Variants in SIK3 observed in about 807,000 individuals in gnomAD.
SIK3 encodes serine/threonine-protein kinase SIK3.
In SIK3, 28 loss-of-function variants were observed where a neutral mutation model predicts 144.2. That is an observed-to-expected ratio of 0.19 (90% CI 0.14 to 0.27). The LOEUF (loss-of-function observed/expected upper bound fraction) is 0.27. Ranked by LOEUF, SIK3 falls within the 10% of genes least tolerant of loss-of-function variation. The pLI is 1.00. For missense variants in SIK3, 1,319 were observed against 1,776.0 expected, an observed-to-expected ratio of 0.74 and a Z score of 4.62; for synonymous variants, 686 against 676.3, an observed-to-expected ratio of 1.01 and a Z score of -0.22.
At position 116,849,059 on chromosome 11, in the gene SIK3, C is replaced by A; in HGVS notation, c.3819+61G>T. ...AGAGAGGCTACCCCACATCACTATA[C>A]TCTGTTTCAAGGCTGGGACTGGGAG... On this transcript the variant is annotated intron_variant, in intron 22 of 24. Coordinates refer to ENST00000445177, the MANE Select transcript of SIK3 (RefSeq NM_001366686.3). This position sits in a 1 kb window ranked among gnomAD's most constrained non-coding sequence, Gnocchi z 4.2. 1.3e-6 allele frequency: 2 copies of A among 1,524,112 alleles called. No individual in the cohort carries two copies. Among genetic ancestry groups the A allele is most frequent in the Non-Finnish European group, 1.8e-6 (2 of 1,130,846 alleles). 94.4% of individuals were successfully genotyped at this position (1,524,112 alleles called of 1,614,324 possible). A position where few individuals can be genotyped will look rare whatever the true frequency, so the allele number is the denominator to read the frequency against.
At chr11:117,021,701 C>T (rs1479944296) in intron 1 of SIK3, among the ~76,000 whole-genome samples, 1 of 151,858 alleles carries the variant, frequency 6.6e-6, no homozygotes, top group Non-Finnish European at 1.5e-5. Context: ...CCATGGTGTG[C>T]ACCTATAGTC....
chr11:116,968,422 G>A (rs1286764056), intron 1 of SIK3, among the ~76,000 whole-genome samples: 4 of 152,206 alleles, frequency 2.6e-5, no homozygotes, highest in Admixed American at 6.5e-5. Context: ...GATGACAGGT[G>A]TGAGCCACCG....
chr11:117,068,683 G>A (rs1191152169), intron 1 of SIK3, among the ~76,000 whole-genome samples: 2 of 152,200 alleles, frequency 1.3e-5, no homozygotes, highest in Non-Finnish European at 1.5e-5. Context: ...GAGCCCAAGC[G>A]GTTGAGGCCA....
At chr11:117,067,958 T>G (rs1193453217) in intron 1 of SIK3, among the ~76,000 whole-genome samples, 2 of 152,104 alleles carry the variant, frequency 1.3e-5, no homozygotes, top group Non-Finnish European at 2.9e-5. Flanking sequence ...CACTCCAGCC[T>G]GGGCAACAGA....
intron 1 of SIK3, among the ~76,000 whole-genome samples, chr11:117,092,929 A>G (rs1399021267): frequency 1.3e-5 from 2 of 152,220 alleles, no homozygotes; most frequent in Non-Finnish European, 1.5e-5. Context: ...AGCTGGCACC[A>G]AAGTCAAAAT....
chr11:117,027,457 T>C (rs985870189), intron 1 of SIK3, among the ~76,000 whole-genome samples: 7 of 151,020 alleles, frequency 4.6e-5, no homozygotes, highest in African/African-American at 1.7e-4. Flanking sequence ...TATCTGTTTG[T>C]TTGTTTGTTT....
At chr11:116,943,585 C>A (rs780500750) in intron 3 of SIK3, among the ~76,000 whole-genome samples, 2 of 152,186 alleles carry the variant, frequency 1.3e-5, no homozygotes, top group Non-Finnish European at 2.9e-5. Flanking sequence ...AAGACACTCA[C>A]CGAAACCTAG....
At chr11:117,078,912 T>C (rs1037936519) in intron 1 of SIK3, among the ~76,000 whole-genome samples, 2 of 151,964 alleles carry the variant, frequency 1.3e-5, no homozygotes, top group African/African-American at 4.8e-5. Flanking sequence ...GTTGCTTTTC[T>C]AGAAATGCCC....
At chr11:117,024,762 G>A (rs1185360749) in intron 1 of SIK3, among the ~76,000 whole-genome samples, 1 of 152,020 alleles carries the variant, frequency 6.6e-6, no homozygotes, top group Non-Finnish European at 1.5e-5. Flanking sequence ...TTACCCAGGC[G>A]TGGTGGCATG....
rs35403684 is a variant in SIK3, at chr11:116,984,050, C to CAAAAAA, written c.274-26992_274-26987dup. ...TGGGTGACAGAGCAAGACCCTGACTCAAAAAAAAAAAAAAAAAAAAAATTA... is the reference window on the plus strand; with the variant it reads ...TGGGTGACAGAGCAAGACCCTGACTCAAAAAAAAAAAAAAAAAAAAAAAAAAAATTA... On this transcript the variant is annotated intron_variant, in intron 1 of 24. Transcript: ENST00000445177. 2.1e-3 allele frequency among the ~76,000 whole-genome samples: 173 copies of CAAAAAA among 80,794 alleles called. 3 individuals are homozygous for CAAAAAA. The South Asian group carries it at 0.031, about 14-fold the overall frequency. The allele number at this position is 80,794 out of a possible 152,430, so 53.0% of individuals were successfully genotyped here.
chr11:116,981,738 C>T (rs1161540701), intron 1 of SIK3, among the ~76,000 whole-genome samples: 1 of 152,156 alleles, frequency 6.6e-6, no homozygotes, highest in African/African-American at 2.4e-5. Flanking sequence ...TTTCGCCAGG[C>T]GTGGTAGCTC....
intron 1 of SIK3, among the ~76,000 whole-genome samples, chr11:116,967,016 A>AAAAAAG (rs1949579015): frequency 1.7e-5 from 2 of 120,746 alleles, no homozygotes; most frequent in Admixed American, 1.5e-4. Context: ...AAAAAAAAAG[A>AAAAAAG]AAAAGAAAAA....
intron 1 of SIK3, among the ~76,000 whole-genome samples, chr11:117,024,497 T>TA (rs1176819882): frequency 6.6e-6 from 1 of 152,164 alleles, no homozygotes; most frequent in Non-Finnish European, 1.5e-5. Flanking sequence ...CCCATAACTC[T>TA]AAACTGATGT....
At chr11:117,040,361 C>T (rs59266239) in intron 1 of SIK3, among the ~76,000 whole-genome samples, 33,720 of 152,084 alleles carry the variant, frequency 0.22, 4,298 homozygotes, top group African/African-American at 0.35. Flanking sequence ...TAGTAAACAA[C>T]AAATGTTAGC....
Position 116,875,896 on chromosome 11 carries a change from G to A in SIK3, c.1209C>T (p.Ala403=). ...TATTGACTGGTGCTTGAAAGGCCAG[G>A]GCTCGGGGCATGCTAGGAAGTGCTC... The part of the protein sequence containing the change: ...RLGALPSMPR[A]LAFQAPVNIQ... The change falls in exon 9 of 25, where the codon GCC becomes GCT. Residue 403 remains alanine (A), a synonymous_variant. Transcript: ENST00000445177. 1 of 1,609,242 alleles carries A rather than the reference G, an allele frequency of 6.2e-7. No homozygotes were observed. The highest frequency in any genetic ancestry group is 8.5e-7 in the Non-Finnish European group (1 of 1,178,804).
At position 116,844,687 on chromosome 11, in the gene SIK3, TATATAC is replaced by T. The variant is rs1289902810; in HGVS notation, c.*950_*955del. 6.4e-5 allele frequency: 8 copies of T among 124,136 alleles called. No homozygotes were observed. The highest frequency in any genetic ancestry group is 1.6e-4 in the Admixed American group (2 of 12,298). The allele number at this position is 124,136 out of a possible 1,614,324, so 7.7% of individuals were successfully genotyped here. A position where few individuals can be genotyped will look rare whatever the true frequency, so the allele number is the denominator to read the frequency against. On this transcript the variant is annotated 3_prime_UTR_variant, in exon 25 of 25. Transcript: ENST00000445177. ...ATATATACACATATATTATATTATATATATACACACATATATAATATATATATGGAG... is the reference window on the plus strand; with the variant it reads ...ATATATACACATATATTATATTATATACACATATATAATATATATATGGAG...
At chr11:116,879,885 A>G (rs1368715973) in intron 6 of SIK3, among the ~76,000 whole-genome samples, 1 of 152,060 alleles carries the variant, frequency 6.6e-6, no homozygotes, top group Middle Eastern at 3.2e-3. Context: ...ATAGATTATA[A>G]ATGTCATTGA....
chr11:116,935,068 G>C (rs1239509639), intron 3 of SIK3, among the ~76,000 whole-genome samples: 1 of 151,654 alleles, frequency 6.6e-6, no homozygotes, highest in Non-Finnish European at 1.5e-5. Flanking sequence ...CTGGGCGACA[G>C]AGTGAGACCC....
At chr11:116,894,296 G>A (rs1945281787) in intron 6 of SIK3, among the ~76,000 whole-genome samples, 1 of 152,130 alleles carries the variant, frequency 6.6e-6, no homozygotes, top group Non-Finnish European at 1.5e-5. Flanking sequence ...CTCACCTCAT[G>A]GCTTTAACTA....
Sources: gnomAD v4.1 joint callset for allele counts (sites outside exome capture counted in the v4.1 genomes callset) on GRCh38, gnomAD v4.1.1 for gene constraint, Gnocchi (gnomAD v3.1) non-coding constraint, MANE v1.5 for transcripts, NCBI Gene and HGNC (gene_info 2026-07-23, HGNC 2026-07-21) for gene names.